Variants in SAXO1 observed in about 807,000 individuals in gnomAD.
SAXO1 encodes the protein 4930500O09Rik.
SAXO1 carries 21 observed loss-of-function variants against 17.5 expected under a neutral mutation model. The observed-to-expected ratio is 1.20, with a 90% CI of 0.85 to 1.72. The LOEUF (loss-of-function observed/expected upper bound fraction) is 1.72, where lower values mean the gene tolerates loss of function less well. Among genes scored for constraint, SAXO1 ranks in the 40% most tolerant of loss-of-function variants. The pLI, the probability that SAXO1 is intolerant of heterozygous loss-of-function variation, is 0.00. For synonymous variants in SAXO1, 274 were observed against 216.5 expected (o/e 1.27, Z -2.33); for missense variants, 843 against 596.0 (o/e 1.41, Z -4.32).
At chr9:18,929,797 C>T (rs149930755) in intron 3 of SAXO1, among the ~76,000 whole-genome samples, 307 of 152,324 alleles carry the variant, frequency 2.0e-3, no homozygotes, top group African/African-American at 7.2e-3. Flanking sequence ...TGTCCCAGCT[C>T]ACTTGGCTAG....
intron 1 of SAXO1, among the ~76,000 whole-genome samples, chr9:19,029,056 A>G (rs1835642280): frequency 6.6e-6 from 1 of 152,204 alleles, no homozygotes; most frequent in Non-Finnish European, 1.5e-5. Context: ...GTGGCCAAAT[A>G]TAAGAACTTG....
At chr9:18,966,120 C>T (rs568132090) in intron 1 of SAXO1, among the ~76,000 whole-genome samples, 7 of 152,246 alleles carry the variant, frequency 4.6e-5, no homozygotes, top group African/African-American at 1.4e-4. Context: ...TGCTGTTAGT[C>T]TGATGGGCTT....
At chr9:19,020,326 T>C (rs1208191213) in intron 1 of SAXO1, among the ~76,000 whole-genome samples, 1 of 151,076 alleles carries the variant, frequency 6.6e-6, no homozygotes, top group African/African-American at 2.4e-5. Context: ...GGGCCCAGCA[T>C]TTCAGCCTGT....
At chr9:19,047,023 C>T (rs1836233468) in intron 1 of SAXO1, among the ~76,000 whole-genome samples, 1 of 152,152 alleles carries the variant, frequency 6.6e-6, no homozygotes, top group South Asian at 2.1e-4. Context: ...CCCCTCTCTA[C>T]TAAAAATACA....
chr9:18,928,904 C>G lies in SAXO1; in HGVS notation c.573G>C (p.Leu191=). ...GLVKTISCKP[L]AMPKLCNIPL... is the part of the protein sequence containing the mutation. ...GGATGTTACAGAGCTTTGGCATGGCCAGAGGTTTACAGCTTATGGTCTTCA... is the reference window on the plus strand; with the variant it reads ...GGATGTTACAGAGCTTTGGCATGGCGAGAGGTTTACAGCTTATGGTCTTCA... Residue 191 remains leucine (L), a synonymous_variant, in exon 4 of 4, where the codon CTG becomes CTC. Transcript: ENST00000380534. The G allele has an allele frequency of 6.2e-7, 1 of 1,614,140 alleles. No homozygotes were observed. Among genetic ancestry groups the G allele is most frequent in the Non-Finnish European group, 8.5e-7 (1 of 1,180,034 alleles).
intron 3 of SAXO1, among the ~76,000 whole-genome samples, chr9:18,939,477 G>T (rs541774026): frequency 9.2e-5 from 14 of 152,370 alleles, no homozygotes; most frequent in African/African-American, 3.1e-4. Context: ...GGAGTGCAAG[G>T]CACCCATATA....
intron 1 of SAXO1, among the ~76,000 whole-genome samples, chr9:19,010,831 T>A (rs943800944): frequency 6.6e-6 from 1 of 152,306 alleles, no homozygotes; most frequent in South Asian, 2.1e-4. Context: ...TAGGACCACA[T>A]AAAGGAAACC....
chr9:19,019,714 T>C (rs1057360310), intron 1 of SAXO1, among the ~76,000 whole-genome samples: 7 of 152,034 alleles, frequency 4.6e-5, no homozygotes, highest in African/African-American at 1.7e-4. Flanking sequence ...TCGGCGACAG[T>C]GAGACACTGT....
chr9:19,048,710 C>G (rs1487944188), intron 1 of SAXO1, among the ~76,000 whole-genome samples: 3 of 152,224 alleles, frequency 2.0e-5, no homozygotes, highest in Non-Finnish European at 4.4e-5. Flanking sequence ...GACTTAACCT[C>G]TCTAACCTTT....
intron 1 of SAXO1, among the ~76,000 whole-genome samples, chr9:18,970,474 T>C (rs1052291901): frequency 6.6e-6 from 1 of 152,168 alleles, no homozygotes; most frequent in African/African-American, 2.4e-5. Context: ...AAAAGACTCC[T>C]CCTGTCCTCT....
intron 1 of SAXO1, among the ~76,000 whole-genome samples, chr9:19,039,543 C>G (rs528718704): frequency 5.3e-5 from 8 of 152,232 alleles, no homozygotes; most frequent in Non-Finnish European, 1.0e-4. Flanking sequence ...TGAGAAAGGC[C>G]ATGCTTAGAG....
intron 1 of SAXO1, among the ~76,000 whole-genome samples, chr9:19,006,579 G>A (rs1396196426): frequency 2.0e-5 from 3 of 152,208 alleles, no homozygotes; most frequent in Non-Finnish European, 2.9e-5. Context: ...TTCACAGACA[G>A]TAAGTACAAT....
intron 1 of SAXO1, among the ~76,000 whole-genome samples, chr9:18,968,768 A>G (rs1403034003): frequency 1.3e-5 from 2 of 151,332 alleles, no homozygotes; most frequent in Non-Finnish European, 2.9e-5. Flanking sequence ...TAATTTTTGT[A>G]TTTTTAGTAG....
intron 3 of SAXO1, among the ~76,000 whole-genome samples, chr9:18,941,212 G>A (rs1348337134): frequency 1.3e-5 from 2 of 152,006 alleles, no homozygotes; most frequent in Non-Finnish European, 2.9e-5. Flanking sequence ...GCTAAGGCAG[G>A]GGTTGGCAGA....
chr9:19,009,591 G>A (rs1834637992), intron 1 of SAXO1, among the ~76,000 whole-genome samples: 2 of 152,108 alleles, frequency 1.3e-5, no homozygotes, highest in South Asian at 2.1e-4. Context: ...TTAAATCTGT[G>A]CAGAGAGGAG....
chr9:18,999,641 TGCCCGGCC>T (rs1588505882), intron 1 of SAXO1, among the ~76,000 whole-genome samples: 2 of 144,340 alleles, frequency 1.4e-5, no homozygotes, highest in Non-Finnish European at 3.0e-5. Flanking sequence ...AGAGCCCCTC[TGCCCGGCC>T]GCCACACCGT....
At position 18,929,048 on chromosome 9, in the gene SAXO1, A is replaced by G. The variant is rs1254320440; in HGVS notation, c.429T>C (p.Tyr143=). The G allele has an allele frequency of 3.1e-6, 5 of 1,613,626 alleles. No individual in the cohort carries two copies. Among genetic ancestry groups the G allele is most frequent in the African/African-American group, 1.3e-5 (1 of 74,982 alleles). The part of the protein sequence containing the change: ...MECLPTYKAD[Y]LPWNQPRREP... ...CTCGCCTTGGTTGGTTCCAAGGCAA[A>G]TAATCAGCTGAAATTAAAGCAGAAG... The change falls in exon 4 of 4, where the codon TAT becomes TAC. Residue 143 remains tyrosine (Y), a synonymous_variant. Transcript: ENST00000380534.
At chr9:18,944,434 A>C (rs1422963875) in intron 2 of SAXO1, among the ~76,000 whole-genome samples, 2 of 152,196 alleles carry the variant, frequency 1.3e-5, no homozygotes, top group African/African-American at 4.8e-5. Context: ...ATTCACGTAA[A>C]AGAAAAGTCT....
intron 2 of SAXO1, among the ~76,000 whole-genome samples, chr9:18,948,769 C>G (rs541365486): frequency 2.6e-5 from 4 of 152,156 alleles, no homozygotes; most frequent in Admixed American, 2.6e-4. Flanking sequence ...CTGCAACAAC[C>G]AACCTTCAAA....
Sources: allele counts gnomAD v4.1 joint callset (sites outside exome capture counted in the v4.1 genomes callset), GRCh38; gene constraint gnomAD v4.1.1; transcripts MANE v1.5; gene names NCBI Gene and HGNC (gene_info 2026-07-23, HGNC 2026-07-21).